The following TSHZ3 variants were observed in gnomAD, a reference collection of about 807,000 sequenced individuals.
TSHZ3 encodes teashirt zinc finger homeobox 3.
Under a neutral mutation model 64.5 loss-of-function variants are expected in TSHZ3, and 10 were observed. The observed-to-expected ratio is 0.16, with a 90% confidence interval of 0.10 to 0.26. TSHZ3 has a LOEUF of 0.26. Ranked by LOEUF, TSHZ3 falls within the 10% of genes least tolerant of loss-of-function variation. The probability of loss-of-function intolerance (pLI) is 1.00; values close to 1 mark genes in which losing one functional copy is unlikely to be tolerated. For synonymous variants in TSHZ3, 608 were observed against 593.1 expected, an observed-to-expected ratio of 1.03 and a Z score of -0.36; for missense variants, 1,242 against 1,421.7, an observed-to-expected ratio of 0.87 and a Z score of 2.03.
chr19:31,306,450 G>A (rs553253396), intron 1 of TSHZ3, among the ~76,000 whole-genome samples: 1 of 152,320 alleles, frequency 6.6e-6, no homozygotes, highest in African/African-American at 2.4e-5. Flanking sequence ...CGTGAGGTCT[G>A]TAAAACTTTT....
intron 1 of TSHZ3, chr19:31,308,443 G>C (rs150578358): frequency 4.1e-5 from 16 of 389,336 alleles, no homozygotes; most frequent in Non-Finnish European, 5.4e-5. Context: ...AGACAGCTCC[G>C]GTGTCATCGC....
intron 5 of TSHZ3, among the ~76,000 whole-genome samples, chr19:31,180,722 G>A (rs904927796): frequency 2.6e-5 from 4 of 152,132 alleles, no homozygotes; most frequent in Non-Finnish European, 5.9e-5. Flanking sequence ...TCATACATGC[G>A]AGATGCTGAA....
intron 4 of TSHZ3, among the ~76,000 whole-genome samples, chr19:31,221,698 A>G (rs1354498268): frequency 6.6e-6 from 1 of 152,132 alleles, no homozygotes; most frequent in Non-Finnish European, 1.5e-5. Flanking sequence ...CTAACACAAA[A>G]TGGTGGCCTG....
intron 1 of TSHZ3, among the ~76,000 whole-genome samples, chr19:31,312,864 C>T (rs762285262): frequency 9.9e-5 from 15 of 152,046 alleles, no homozygotes; most frequent in Non-Finnish European, 1.8e-4. Flanking sequence ...CATTAGACTC[C>T]GGTAGGAAGG....
At chr19:31,319,554 A>G (rs750873820) in intron 1 of TSHZ3, among the ~76,000 whole-genome samples, 7 of 152,150 alleles carry the variant, frequency 4.6e-5, no homozygotes, top group Non-Finnish European at 5.9e-5. Context: ...GCCCCAGCCC[A>G]CCACTGAGGG....
intron 5 of TSHZ3, among the ~76,000 whole-genome samples, chr19:31,164,801 G>A (rs972982777): frequency 1.3e-5 from 2 of 152,156 alleles, no homozygotes; most frequent in African/African-American, 4.8e-5. Context: ...TGGCTGCTGC[G>A]GTGGTTTTCC....
At chr19:31,309,959 A>G (rs557198585) in intron 1 of TSHZ3, among the ~76,000 whole-genome samples, 1 of 152,318 alleles carries the variant, frequency 6.6e-6, no homozygotes, top group Admixed American at 6.5e-5. Context: ...GGCACCTGCC[A>G]GCACTGGCTT....
intron 1 of TSHZ3, among the ~76,000 whole-genome samples, chr19:31,345,688 G>GT (rs11377611): frequency 0.27 from 40,061 of 150,948 alleles, 6,528 homozygotes; most frequent in East Asian, 0.64. Context: ...TTTTTGTTTG[G>GT]TTTTTTTTTC....
At chr19:31,327,006 A>C (rs538117866) in intron 1 of TSHZ3, among the ~76,000 whole-genome samples, 1 of 152,204 alleles carries the variant, frequency 6.6e-6, no homozygotes, top group Non-Finnish European at 1.5e-5. Flanking sequence ...AGAAGTGAGC[A>C]GTCCAGAATG....
At chr19:31,236,655 C>T (rs1975620040) in intron 3 of TSHZ3, among the ~76,000 whole-genome samples, 1 of 152,056 alleles carries the variant, frequency 6.6e-6, no homozygotes, top group African/African-American at 2.4e-5. Flanking sequence ...TCACACCATA[C>T]ACAAAAATAA....
chr19:31,150,620 A>G (rs1475112011), exon 7 of TSHZ3, among the ~76,000 whole-genome samples: 2 of 152,198 alleles, frequency 1.3e-5, no homozygotes, highest in African/African-American at 4.8e-5. Context: ...CCCACAGCGC[A>G]CGGGGCAGAC....
chr19:31,225,882 T>G (rs1975453270), intron 4 of TSHZ3, among the ~76,000 whole-genome samples: 2 of 152,166 alleles, frequency 1.3e-5, no homozygotes, highest in African/African-American at 2.4e-5. Context: ...ACCCCAGCAC[T>G]TTGGGAAGCC....
At chr19:31,189,502 T>C (rs760598761) in intron 5 of TSHZ3, among the ~76,000 whole-genome samples, 35 of 152,134 alleles carry the variant, frequency 2.3e-4, no homozygotes, top group Non-Finnish European at 4.4e-4. Context: ...GATGAGTAGG[T>C]TATTTAGAAG....
At chr19:31,221,739 A>G (rs1407298785) in intron 4 of TSHZ3, among the ~76,000 whole-genome samples, 1 of 152,214 alleles carries the variant, frequency 6.6e-6, no homozygotes, top group African/African-American at 2.4e-5. Flanking sequence ...TGAGTTTATT[A>G]TCTTAGCATT....
chr19:31,188,910 A>C (rs1170657012), intron 5 of TSHZ3, among the ~76,000 whole-genome samples: 1 of 151,946 alleles, frequency 6.6e-6, no homozygotes, highest in Non-Finnish European at 1.5e-5. Flanking sequence ...CTAATATATG[A>C]GTGCTTTTGA....
intron 1 of TSHZ3, among the ~76,000 whole-genome samples, chr19:31,306,172 TG>T (rs1916285311): frequency 6.6e-6 from 1 of 152,106 alleles, no homozygotes; most frequent in Admixed American, 6.5e-5. Context: ...ATTCCCGGGG[TG>T]GCCTTGCATA....
chr19:31,155,570 C>T (rs1049667949), intron 6 of TSHZ3, among the ~76,000 whole-genome samples: 12 of 152,214 alleles, frequency 7.9e-5, no homozygotes, highest in African/African-American at 2.9e-4. Context: ...GTCAGGCAGG[C>T]TTCTAGGGCC....
intron 1 of TSHZ3, among the ~76,000 whole-genome samples, chr19:31,295,252 T>C (rs1976642886): frequency 6.6e-6 from 1 of 152,242 alleles, no homozygotes; most frequent in East Asian, 1.9e-4. Context: ...TGTCAGTATC[T>C]ACGAAAGCTA....
rs552033828 is a variant in TSHZ3, at chr19:31,311,588, C to T, written c.41-31836G>A. Among the ~76,000 whole-genome samples, 5 of 152,278 alleles carry T rather than the reference C, an allele frequency of 3.3e-5. No homozygotes were observed. The South Asian group carries it at 1.0e-3, about 32-fold the overall frequency. On this transcript the variant is annotated intron_variant, in intron 1 of 1. Coordinates refer to ENST00000240587, the MANE Select transcript of TSHZ3 (RefSeq NM_020856.4). Reference sequence around the variant, plus strand: ...GCTGCACTGTGAAGGGAACTTGCCCCTCTGCCCAGCTCACGGGCTCCATAC... The same window carrying T: ...GCTGCACTGTGAAGGGAACTTGCCCTTCTGCCCAGCTCACGGGCTCCATAC...
Sources: allele counts gnomAD v4.1 joint callset (sites outside exome capture counted in the v4.1 genomes callset), GRCh38; gene constraint gnomAD v4.1.1; transcripts MANE v1.5; gene names NCBI Gene and HGNC (gene_info 2026-07-23, HGNC 2026-07-21).